Variants in SNAPC3 observed in about 807,000 individuals in gnomAD.
SNAPC3 encodes the protein snRNA-activating protein complex subunit 3.
In SNAPC3, 56 loss-of-function variants were observed where a neutral mutation model predicts 47.7. That is an observed-to-expected ratio of 1.18 (90% CI 0.95 to 1.47). The LOEUF is 1.47. SNAPC3 is among the 40% of genes most tolerant of loss of function. SNAPC3 has a pLI of 0.00. For missense variants in SNAPC3, 665 were observed against 511.3 expected (o/e 1.30, Z -2.90); for synonymous variants, 235 against 189.9 (o/e 1.24, Z -1.95).
chr9:15,440,491 A>G lies in SNAPC3; in HGVS notation c.478-4111A>G, dbSNP rs111417598. ...TGACAGGTTTTGTTTTTTTTCTTTC[A>G]TGGGTTTAAATATGTCACCCAAAAA... On this transcript the variant is annotated intron_variant, in intron 3 of 8. Transcript: ENST00000380821. Among the ~76,000 whole-genome samples the G allele has an allele frequency of 7.2e-5, 11 of 152,080 alleles. 2 individuals carry two copies. The highest frequency in any genetic ancestry group is 2.7e-4 in the African/African-American group (11 of 41,456).
chr9:15,466,094 T>G (rs1054322654), downstream of SNAPC3: 1 of 152,952 alleles, frequency 6.5e-6, no homozygotes, highest in East Asian at 1.9e-4. Context: ...AAATAGCCTG[T>G]GATGGCCGGG....
chr9:15,447,518 T>TG (rs986575585), intron 5 of SNAPC3, among the ~76,000 whole-genome samples: 1 of 17,346 alleles, frequency 5.8e-5, no homozygotes, highest in Non-Finnish European at 4.5e-4. Flanking sequence ...TTCTTTTTTG[T>TG]TTTTTTTTGT....
chr9:15,457,558 G>A (rs2034888443), intron 7 of SNAPC3, among the ~76,000 whole-genome samples: 2 of 152,214 alleles, frequency 1.3e-5, no homozygotes, highest in Middle Eastern at 6.8e-3. Context: ...TCATGCCACC[G>A]TACTCCAGCC....
intron 7 of SNAPC3, among the ~76,000 whole-genome samples, chr9:15,454,550 G>C (rs2034628650): frequency 6.6e-6 from 1 of 152,216 alleles, no homozygotes; most frequent in Admixed American, 6.5e-5. Context: ...ACTCAGGAAG[G>C]ATGTCTGGGA....
intron 3 of SNAPC3, among the ~76,000 whole-genome samples, chr9:15,441,934 C>T (rs923783419): frequency 5.3e-5 from 8 of 152,174 alleles, no homozygotes; most frequent in South Asian, 2.1e-4. Context: ...TGGTGGCGGC[C>T]GGGCAGAGGA....
At chr9:15,441,965 G>C (rs942306354) in intron 3 of SNAPC3, among the ~76,000 whole-genome samples, 6 of 152,166 alleles carry the variant, frequency 3.9e-5, no homozygotes, top group Non-Finnish European at 7.3e-5. Flanking sequence ...TCCCAGAAGG[G>C]GCGGCCAGGC....
chr9:15,451,358 A>G lies in SNAPC3; in HGVS notation c.771A>G (p.Thr257=), dbSNP rs368591132. Reference sequence around the variant, plus strand: ...CAGCCTTCTTTTATTTTGAAGGAACATTTTATAATGATAAAAGATACCCAG... The same window carrying G: ...CAGCCTTCTTTTATTTTGAAGGAACGTTTTATAATGATAAAAGATACCCAG... ...YKSAFFYFEG[T]FYNDKRYPEC... Residue 257 remains threonine, a synonymous_variant, in exon 6 of 9, where the codon ACA becomes ACG. Coordinates refer to ENST00000380821, the MANE Select transcript of SNAPC3 (RefSeq NM_001039697.2). The G allele has an allele frequency of 1.5e-5, 23 of 1,552,948 alleles. No individual in the cohort carries two copies. In the Admixed American group the frequency reaches 3.6e-4, roughly 24 times the overall value.
rs1471723723 is a variant in SNAPC3, at chr9:15,461,159, C to T, written c.*1293C>T. 1 of 151,096 alleles carries T rather than the reference C, an allele frequency of 6.6e-6. No individual in the cohort carries two copies. The highest frequency in any genetic ancestry group is 1.5e-5 in the Non-Finnish European group (1 of 67,786). The allele number at this position is 151,096 out of a possible 1,614,324, so 9.4% of individuals were successfully genotyped here. On this transcript the variant is annotated 3_prime_UTR_variant, in exon 9 of 9. Coordinates refer to ENST00000380821, the MANE Select transcript of SNAPC3 (RefSeq NM_001039697.2). ...CTGAGGAAAAAAAAAAAAACCAAAACTTTTTAAACTTATTTTTTGACATAG... is the reference window on the plus strand; with the variant it reads ...CTGAGGAAAAAAAAAAAAACCAAAATTTTTTAAACTTATTTTTTGACATAG...
intron 2 of SNAPC3, among the ~76,000 whole-genome samples, chr9:15,424,300 C>A (rs1331287412): frequency 6.6e-6 from 1 of 152,138 alleles, no homozygotes; most frequent in Non-Finnish European, 1.5e-5. Context: ...ACCGTAAATA[C>A]ATAATCTATA....
intron 3 of SNAPC3, among the ~76,000 whole-genome samples, chr9:15,442,302 C>T (rs1403134367): frequency 6.8e-6 from 1 of 147,588 alleles, no homozygotes; most frequent in African/African-American, 2.5e-5. Context: ...GGCTGCCCCC[C>T]ACCTCCCTCC....
intron 3 of SNAPC3, among the ~76,000 whole-genome samples, chr9:15,443,124 C>T (rs921452699): frequency 1.3e-5 from 2 of 152,230 alleles, no homozygotes; most frequent in African/African-American, 4.8e-5. Context: ...GGCGGCAGTA[C>T]AGTCCAGCTT....
At chr9:15,434,965 G>A (rs551696103) in intron 3 of SNAPC3, among the ~76,000 whole-genome samples, 4 of 152,180 alleles carry the variant, frequency 2.6e-5, no homozygotes, top group African/African-American at 9.6e-5. Flanking sequence ...TGGAATTGAT[G>A]GATTGTATGG....
intron 4 of SNAPC3, among the ~76,000 whole-genome samples, chr9:15,446,275 A>G (rs191541461): frequency 3.3e-5 from 5 of 152,268 alleles, no homozygotes; most frequent in African/African-American, 1.2e-4. Context: ...GGAGTGCAGC[A>G]GTACAATCAT....
chr9:15,433,429 T>C (rs10115540), intron 2 of SNAPC3, 123 bp from the exon 3 acceptor site: 595,212 of 694,222 alleles, frequency 0.86, 258,465 homozygotes, highest in Non-Finnish European at 0.91. Flanking sequence ...AAGGGAACTT[T>C]TTCCTGCTTT....
At chr9:15,453,375 C>T (rs2034540836) in intron 7 of SNAPC3, 170 bp downstream of exon 7, 1 of 528,194 alleles carries the variant, frequency 1.9e-6, no homozygotes, top group South Asian at 3.1e-5. Context: ...CCAACTCTTT[C>T]CATCCATTTG....
chr9:15,423,064 C>G lies in SNAPC3; in HGVS notation c.185C>G (p.Ser62Trp), dbSNP rs556604793. Residue 62 changes from serine (S) to tryptophan (W), a missense_variant, in exon 1 of 9, where the codon TCG (serine) becomes TGG (tryptophan). Physicochemically the swap from Ser to Trp is radical, Grantham distance 177. Coordinates refer to ENST00000380821, the MANE Select transcript of SNAPC3 (RefSeq NM_001039697.2). ...RGRLRGAGDL[S>W]LREPPASALP... ...CGTCTGCGCGGGGCCGGGGACTTGT[C>G]GCTGAGGGAGCCGCCGGCATCCGCT... 1.5e-5 allele frequency: 22 copies of G among 1,516,528 alleles called. No individual in the cohort carries two copies. The highest frequency in any genetic ancestry group is 1.9e-5 in the Non-Finnish European group (22 of 1,140,886). 93.9% of individuals were successfully genotyped at this position (1,516,528 alleles called of 1,614,324 possible).
At chr9:15,455,703 CT>C (rs753310205) in intron 7 of SNAPC3, among the ~76,000 whole-genome samples, 171 of 143,908 alleles carry the variant, frequency 1.2e-3, no homozygotes, top group Middle Eastern at 3.6e-3. Context: ...ATATATTTTT[CT>C]TTTTTTTTTT....
chr9:15,439,038 C>A (rs1192689136), intron 3 of SNAPC3, among the ~76,000 whole-genome samples: 1 of 152,186 alleles, frequency 6.6e-6, no homozygotes, highest in African/African-American at 2.4e-5. Flanking sequence ...GAGATAGGGT[C>A]TTGCTCTCTT....
chr9:15,455,184 A>G (rs1182984899), intron 7 of SNAPC3, among the ~76,000 whole-genome samples: 1 of 152,204 alleles, frequency 6.6e-6, no homozygotes, highest in East Asian at 1.9e-4. Flanking sequence ...AAGAATGGGG[A>G]GGCAAGAGCC....
Sources: gnomAD v4.1 joint callset for allele counts (sites outside exome capture counted in the v4.1 genomes callset) on GRCh38, gnomAD v4.1.1 for gene constraint, MANE v1.5 for transcripts, NCBI Gene and HGNC (gene_info 2026-07-23, HGNC 2026-07-21) for gene names.